CSGALNACT1: variants seen among roughly 807,000 people sequenced by gnomAD.
The protein encoded by CSGALNACT1 is chondroitin sulfate N-acetylgalactosaminyltransferase 1, also known as beta4GalNAcT-1.
CSGALNACT1 carries 52 observed loss-of-function variants against 51.0 expected under a neutral mutation model. That is an observed-to-expected ratio of 1.02 (90% CI 0.82 to 1.29). The LOEUF is 1.29. CSGALNACT1 is among the 50% of genes most tolerant of loss of function. CSGALNACT1 has a pLI of 0.00. For synonymous variants in CSGALNACT1, 341 were observed against 254.4 expected (o/e 1.34, Z -3.24); for missense variants, 935 against 679.2 (o/e 1.38, Z -4.19).
At chr8:19,439,581 C>T (rs1222565152) in intron 6 of CSGALNACT1, among the ~76,000 whole-genome samples, 2 of 152,220 alleles carry the variant, frequency 1.3e-5, no homozygotes, top group African/African-American at 2.4e-5. Flanking sequence ...ACTCCCCTCA[C>T]CCCTGCTGTG....
intron 1 of CSGALNACT1, among the ~76,000 whole-genome samples, chr8:19,720,069 G>C (rs2154239028): frequency 6.6e-6 from 1 of 152,280 alleles, no homozygotes; most frequent in South Asian, 2.1e-4. Flanking sequence ...GAGCCATTTT[G>C]CAAACCTGAG....
At chr8:19,561,038 A>C (rs1320925334) in intron 3 of CSGALNACT1, among the ~76,000 whole-genome samples, 1 of 152,254 alleles carries the variant, frequency 6.6e-6, no homozygotes, top group Non-Finnish European at 1.5e-5. Flanking sequence ...AAGACTCAAA[A>C]GAACATACAA....
intron 1 of CSGALNACT1, among the ~76,000 whole-genome samples, chr8:19,750,436 G>A (rs1333353023): frequency 6.6e-6 from 1 of 152,222 alleles, no homozygotes; most frequent in East Asian, 1.9e-4. Context: ...GAAGAGGGAA[G>A]GGAAGGGAGA....
chr8:19,663,026 G>C (rs1479219386), intron 1 of CSGALNACT1, among the ~76,000 whole-genome samples: 5 of 152,178 alleles, frequency 3.3e-5, no homozygotes, highest in Non-Finnish European at 5.9e-5. Context: ...CAAATGCCTG[G>C]AAGGGGTTGC....
chr8:19,557,613 C>G (rs2039758485), intron 3 of CSGALNACT1, among the ~76,000 whole-genome samples: 1 of 152,208 alleles, frequency 6.6e-6, no homozygotes, highest in Non-Finnish European at 1.5e-5. Context: ...TAAGTATCCA[C>G]AAGGCCTATT....
At chr8:19,641,698 T>A (rs1261362669) in intron 1 of CSGALNACT1, 1 of 152,178 alleles carries the variant, frequency 6.6e-6, no homozygotes, top group African/African-American at 2.4e-5. Flanking sequence ...TAAGACTGCC[T>A]TAAATGCATT....
chr8:19,579,740 G>A (rs918713622), intron 3 of CSGALNACT1, among the ~76,000 whole-genome samples: 6 of 152,222 alleles, frequency 3.9e-5, no homozygotes, highest in Non-Finnish European at 8.8e-5. Flanking sequence ...CCTAAAAACA[G>A]TTATGGTATT....
At chr8:19,689,490 C>A (rs147411077) in intron 1 of CSGALNACT1, among the ~76,000 whole-genome samples, 2 of 152,328 alleles carry the variant, frequency 1.3e-5, no homozygotes, top group East Asian at 3.9e-4. Context: ...AACTCAATAA[C>A]TGTTGTTTTG....
At chr8:19,579,120 T>C (rs1305599556) in intron 3 of CSGALNACT1, among the ~76,000 whole-genome samples, 2 of 152,156 alleles carry the variant, frequency 1.3e-5, no homozygotes, top group Admixed American at 1.3e-4. Flanking sequence ...CTTTCAACCA[T>C]GAAAGTGCCA....
chr8:19,473,982 T>C (rs565004021), intron 4 of CSGALNACT1, among the ~76,000 whole-genome samples: 51 of 152,360 alleles, frequency 3.3e-4, no homozygotes, highest in Non-Finnish European at 6.2e-4. Context: ...CTTGGGCCTA[T>C]TAAATTGAGG....
At chr8:19,457,598 G>A in intron 5 of CSGALNACT1, 2 of 1,116,658 alleles carry the variant, frequency 1.8e-6, no homozygotes, top group Non-Finnish European at 2.4e-6. Context: ...GGGTGACAGA[G>A]TAAGACTCCA....
intron 1 of CSGALNACT1, among the ~76,000 whole-genome samples, chr8:19,729,901 T>C (rs1235370950): frequency 6.6e-5 from 10 of 152,116 alleles, no homozygotes; most frequent in Non-Finnish European, 1.3e-4. Context: ...CACCTTTTTG[T>C]GAGAAAGCAT....
At chr8:19,696,526 A>T (rs1037526386) in intron 1 of CSGALNACT1, among the ~76,000 whole-genome samples, 5 of 152,140 alleles carry the variant, frequency 3.3e-5, no homozygotes, top group African/African-American at 1.2e-4. Context: ...GGAAGCAACC[A>T]CCTGTGGCTG....
intron 1 of CSGALNACT1, chr8:19,678,689 T>G (rs1552777): frequency 0.89 from 135,979 of 152,144 alleles, 61,101 homozygotes; most frequent in African/African-American, 0.97. Flanking sequence ...CAAAATCTTA[T>G]GAATTTTTTT....
At chr8:19,596,880 T>TA (rs2049017713) in intron 2 of CSGALNACT1, among the ~76,000 whole-genome samples, 2 of 152,226 alleles carry the variant, frequency 1.3e-5, no homozygotes, top group African/African-American at 4.8e-5. Context: ...TACAGTCCAG[T>TA]AGCATTAAAT....
intron 5 of CSGALNACT1, among the ~76,000 whole-genome samples, chr8:19,442,716 T>TAA (rs33995376): frequency 0.46 from 66,376 of 143,028 alleles, 16,045 homozygotes; most frequent in East Asian, 0.82. Flanking sequence ...ACTTAAAGTA[T>TAA]AAAAAAAAAA....
intron 8 of CSGALNACT1, among the ~76,000 whole-genome samples, chr8:19,415,122 C>T (rs1482839715): frequency 6.6e-6 from 1 of 152,204 alleles, no homozygotes; most frequent in Non-Finnish European, 1.5e-5. Flanking sequence ...TTGCCCTGAG[C>T]TCTGCCACTA....
intron 1 of CSGALNACT1, among the ~76,000 whole-genome samples, chr8:19,614,484 TA>T (rs2052720428): frequency 6.6e-6 from 1 of 152,230 alleles, no homozygotes; most frequent in Non-Finnish European, 1.5e-5. Context: ...GAGTTATCAA[TA>T]CACAGATGAG....
At chr8:19,730,193 A>G (rs1291792279) in intron 1 of CSGALNACT1, among the ~76,000 whole-genome samples, 1 of 152,192 alleles carries the variant, frequency 6.6e-6, no homozygotes, top group Non-Finnish European at 1.5e-5. Context: ...TCACATTAAA[A>G]GCCATCACAC....
Sources: gnomAD v4.1 joint callset for allele counts (sites outside exome capture counted in the v4.1 genomes callset) on GRCh38, gnomAD v4.1.1 for gene constraint, MANE v1.5 for transcripts, NCBI Gene and HGNC (gene_info 2026-07-23, HGNC 2026-07-21) for gene names.